Variants in LEPR observed in about 807,000 individuals in gnomAD.
LEPR encodes the protein leptin receptor, also known as OB receptor.
In LEPR, 56 loss-of-function variants were observed where a neutral mutation model predicts 114.7. The ratio of observed to expected loss-of-function variants is 0.49; its 90% CI spans 0.39 to 0.61. LEPR has a LOEUF of 0.61. LEPR is among the 20% of genes least tolerant of loss of function. The pLI is 0.00. For synonymous variants in LEPR, 443 were observed against 461.4 expected (o/e 0.96, Z 0.51); for missense variants, 1,202 against 1,352.9 (o/e 0.89, Z 1.75).
Position 65,518,508 on chromosome 1 carries a change from T to C in LEPR, c.-20-47038T>C, listed in dbSNP as rs570422166. Among the ~76,000 whole-genome samples, 23 of 152,338 alleles carry C rather than the reference T, an allele frequency of 1.5e-4. No homozygotes were observed. In the South Asian group the frequency reaches 4.8e-3, roughly 32 times the overall value. On this transcript the variant is annotated intron_variant, in intron 2 of 19. Transcript: ENST00000349533. ...CTGGCTTTTTCTCTACAATGCACTT[T>C]TCTGGCAGCGAATCCTTAATTTTTG... is the stretch of plus-strand genomic sequence containing the variant.
At chr1:65,499,159 G>A (rs1312271802) in intron 2 of LEPR, among the ~76,000 whole-genome samples, 5 of 152,080 alleles carry the variant, frequency 3.3e-5, no homozygotes, top group Middle Eastern at 3.2e-3. Context: ...GTTCTCTGGT[G>A]CCAGCAGGAA....
Position 65,552,786 on chromosome 1 carries a change from A to C in LEPR, c.-20-12760A>C, listed in dbSNP as rs565252614. Among the ~76,000 whole-genome samples the C allele has an allele frequency of 1.3e-4, 20 of 152,266 alleles. No individual in the cohort carries two copies. In the Middle Eastern group the frequency reaches 0.01, roughly 78 times the overall value. ...ATGCTAGCTGGTTGTTTTGCCCATT[A>C]GTTGATGCAGTTTCTTCATAGTGTT... is the stretch of plus-strand genomic sequence containing the variant. On this transcript the variant is annotated intron_variant, in intron 2 of 19. Coordinates refer to ENST00000349533, the MANE Select transcript of LEPR (RefSeq NM_002303.6).
At position 65,640,702 on chromosome 1, in the gene LEPR, A is replaced by G. The variant is rs1210486529; in HGVS notation, c.*3687A>G. Reference sequence around the variant, plus strand: ...GGATATTGTTACATATTCAGCCTGTATGAGAACTGGGATATTGTTGTTACA... The same window carrying G: ...GGATATTGTTACATATTCAGCCTGTGTGAGAACTGGGATATTGTTGTTACA... On this transcript the variant is annotated 3_prime_UTR_variant, in exon 20 of 20. Coordinates refer to ENST00000349533, the MANE Select transcript of LEPR (RefSeq NM_002303.6). 1.3e-5 allele frequency: 2 copies of G among 151,560 alleles called. No homozygotes were observed. Among genetic ancestry groups the G allele is most frequent in the African/African-American group, 4.8e-5 (2 of 41,320 alleles). The allele number at this position is 151,560 out of a possible 1,614,324, so 9.4% of individuals were successfully genotyped here.
rs200492076 is a variant in LEPR, at chr1:65,456,187, C to A, written c.-21+30809C>A. Among the ~76,000 whole-genome samples the A allele has an allele frequency of 3.0e-4, 45 of 152,190 alleles. 1 individual carries two copies. In the East Asian group the frequency reaches 8.6e-3, roughly 29 times the overall value. On this transcript the variant is annotated intron_variant, in intron 2 of 19. Coordinates refer to ENST00000349533, the MANE Select transcript of LEPR (RefSeq NM_002303.6). ...ATTGACCTGCGCCCACTGTCTGGCA[C>A]TCCCTAGTGAGATGAACCTGGTACC...
intron 2 of LEPR, among the ~76,000 whole-genome samples, chr1:65,462,146 C>T (rs1343813399): frequency 6.6e-6 from 1 of 152,206 alleles, no homozygotes; most frequent in Non-Finnish European, 1.5e-5. Context: ...TGCTATCCCT[C>T]TCCCATCCCC....
intron 2 of LEPR, among the ~76,000 whole-genome samples, chr1:65,425,723 G>A (rs1406719639): frequency 1.3e-5 from 2 of 152,210 alleles, no homozygotes; most frequent in Non-Finnish European, 2.9e-5. Context: ...CAGTGGAGAT[G>A]CCAGCACAGT....
chr1:65,439,417 AT>A (rs1439626121), intron 2 of LEPR, among the ~76,000 whole-genome samples: 2 of 152,258 alleles, frequency 1.3e-5, no homozygotes, highest in African/African-American at 4.8e-5. Context: ...TAAGGAAAAA[AT>A]AAAAACATTT....
chr1:65,594,807 A>G (rs1038596795), intron 6 of LEPR, among the ~76,000 whole-genome samples: 1 of 152,020 alleles, frequency 6.6e-6, no homozygotes, highest in Non-Finnish European at 1.5e-5. Flanking sequence ...ATGAAGGAGT[A>G]AAAGAGTATG....
chr1:65,600,178 G>T (rs1656349360), intron 8 of LEPR, among the ~76,000 whole-genome samples: 5 of 152,104 alleles, frequency 3.3e-5, no homozygotes, highest in Admixed American at 3.3e-4. Context: ...TAAGGAGGTT[G>T]TGGCGCATAC....
intron 19 of LEPR, 170 bp downstream of exon 19, chr1:65,623,151 G>A: frequency 1.4e-6 from 1 of 697,108 alleles, no homozygotes. Context: ...GCAGGGATTT[G>A]AAATCAGGAA....
At chr1:65,507,592 A>G (rs999173766) in intron 2 of LEPR, among the ~76,000 whole-genome samples, 2 of 150,596 alleles carry the variant, frequency 1.3e-5, no homozygotes, top group Admixed American at 1.3e-4. Flanking sequence ...TCATTTGTTG[A>G]TGAACACTTA....
At chr1:65,626,035 T>C in intron 19 of LEPR, 1 of 1,215,270 alleles carries the variant, frequency 8.2e-7, no homozygotes, top group Non-Finnish European at 1.2e-6. Context: ...AAGTGGTTTC[T>C]CAGTGTTCAG....
At chr1:65,470,475 T>C (rs1647069502) in intron 2 of LEPR, among the ~76,000 whole-genome samples, 1 of 152,236 alleles carries the variant, frequency 6.6e-6, no homozygotes, top group African/African-American at 2.4e-5. Flanking sequence ...ATTTTCATTA[T>C]GTGAGAAAAC....
Position 65,608,746 on chromosome 1 carries a change from T to A in LEPR, c.1604-7T>A. 6.2e-7 allele frequency: 1 copy of A among 1,612,430 alleles called. No homozygotes were observed. The highest frequency in any genetic ancestry group is 2.2e-5 in the East Asian group (1 of 44,736). The stretch of plus-strand genomic sequence containing the variant: ...CCATCACTTAATACTATTGTAAAAA[T>A]TTCTAGTGAAGCCACTGCCTCCATC... On this transcript the variant is annotated splice_polypyrimidine_tract_variant and splice_region_variant and intron_variant, in intron 11 of 19. Transcript: ENST00000349533.
At chr1:65,530,786 G>T (rs1650334512) in intron 2 of LEPR, among the ~76,000 whole-genome samples, 1 of 152,018 alleles carries the variant, frequency 6.6e-6, no homozygotes, top group Non-Finnish European at 1.5e-5. Context: ...TAACTGTTTG[G>T]GAATGCAGCC....
intron 6 of LEPR, 142 bp downstream of exon 6, chr1:65,593,007 A>G: frequency 1.1e-6 from 1 of 899,596 alleles, no homozygotes; most frequent in South Asian, 1.6e-5. Context: ...TGGGGGTATT[A>G]AGAGTGGCTT....
Position 65,634,315 on chromosome 1 carries a change from T to C in LEPR, c.2674-1876T>C, listed in dbSNP as rs1006697598. 28 of 982,968 alleles carry C rather than the reference T, an allele frequency of 2.8e-5. No individual in the cohort carries two copies. In the East Asian group the frequency reaches 5.7e-4, roughly 20 times the overall value. 60.9% of individuals were successfully genotyped at this position (982,968 alleles called of 1,614,324 possible). Reference sequence around the variant, plus strand: ...TACAAAAACGGGAAGAATGTGTCTTTCTTCCCTTCTTGACTTCTAATAGGT... The same window carrying C: ...TACAAAAACGGGAAGAATGTGTCTTCCTTCCCTTCTTGACTTCTAATAGGT... On this transcript the variant is annotated intron_variant, in intron 19 of 19. Coordinates refer to ENST00000349533, the MANE Select transcript of LEPR (RefSeq NM_002303.6).
chr1:65,496,779 G>A (rs544507150), intron 2 of LEPR, among the ~76,000 whole-genome samples: 1 of 152,128 alleles, frequency 6.6e-6, no homozygotes, highest in Non-Finnish European at 1.5e-5. Flanking sequence ...ATGTCTTAAT[G>A]AGCCCCATTG....
chr1:65,423,954 AGATT>A (rs887269830), intron 1 of LEPR, among the ~76,000 whole-genome samples: 4 of 152,196 alleles, frequency 2.6e-5, no homozygotes, highest in Admixed American at 1.3e-4. Context: ...CACTTTACAT[AGATT>A]ATCTCATTTA....
Sources: allele counts gnomAD v4.1 joint callset (sites outside exome capture counted in the v4.1 genomes callset), GRCh38; gene constraint gnomAD v4.1.1; transcripts MANE v1.5; gene names NCBI Gene and HGNC (gene_info 2026-07-23, HGNC 2026-07-21).